Variants in EYA4 observed in about 807,000 individuals in gnomAD.
The protein encoded by EYA4 is protein phosphatase EYA4.
A neutral mutation model predicts 87.9 loss-of-function variants in EYA4; 31 were observed. That is an observed-to-expected ratio of 0.35 (90% confidence interval 0.27 to 0.48). The LOEUF (loss-of-function observed/expected upper bound fraction) is 0.48. EYA4 is among the 20% of genes least tolerant of loss of function. EYA4 has a pLI of 0.99. For synonymous variants in EYA4, 263 were observed against 270.6 expected (o/e 0.97, Z 0.28); for missense variants, 678 against 761.4 (o/e 0.89, Z 1.29).
chr6:133,372,087 G>T (rs1785309437), intron 2 of EYA4, among the ~76,000 whole-genome samples: 1 of 152,026 alleles, frequency 6.6e-6, no homozygotes. Context: ...CATAAAAATT[G>T]TGAAATTAAC....
Position 133,530,586 on chromosome 6 carries a change from T to G in EYA4, c.*1781T>G. On this transcript the variant is annotated 3_prime_UTR_variant, in exon 20 of 20. Coordinates refer to ENST00000355286, the MANE Select transcript of EYA4 (RefSeq NM_004100.5). ...AGGCCTCTGTGGCTTCAATAAAGTC[T>G]ACATTTTGCTCACAGATCACAACAT... The G allele has an allele frequency of 1.0e-6, 1 of 985,774 alleles. No individual in the cohort carries two copies. Among genetic ancestry groups the G allele is most frequent in the East Asian group, 1.1e-4 (1 of 8,822 alleles). 61.1% of individuals were successfully genotyped at this position (985,774 alleles called of 1,614,324 possible). A position where few individuals can be genotyped will look rare whatever the true frequency, so the allele number is the denominator to read the frequency against.
At chr6:133,373,366 C>T (rs571283756) in intron 2 of EYA4, among the ~76,000 whole-genome samples, 7 of 151,878 alleles carry the variant, frequency 4.6e-5, no homozygotes, top group South Asian at 2.1e-4. Flanking sequence ...GAATATGTTG[C>T]GAAAAACATG....
chr6:133,290,171 G>A (rs1291509492), intron 2 of EYA4, among the ~76,000 whole-genome samples: 1 of 152,160 alleles, frequency 6.6e-6, no homozygotes, highest in African/African-American at 2.4e-5. Flanking sequence ...GATGAGGTGA[G>A]CTCTATCTCC....
At chr6:133,477,735 C>G (rs1795863612) in intron 11 of EYA4, among the ~76,000 whole-genome samples, 1 of 151,828 alleles carries the variant, frequency 6.6e-6, no homozygotes, top group Non-Finnish European at 1.5e-5. Context: ...AAATTAATTG[C>G]CACTTCTCCA....
chr6:133,304,534 A>G (rs923556002), intron 2 of EYA4, among the ~76,000 whole-genome samples: 7 of 152,186 alleles, frequency 4.6e-5, no homozygotes, highest in African/African-American at 1.4e-4. Context: ...AGGATTCTCA[A>G]GCTGTGTTGT....
intron 3 of EYA4, among the ~76,000 whole-genome samples, chr6:133,410,633 T>TTTTTTTTTTTTTTTTTTTTTTTTTG (rs1554252061): frequency 1.3e-5 from 2 of 148,722 alleles, no homozygotes; most frequent in African/African-American, 2.4e-5. Context: ...ACTAAGGTCT[T>TTTTTTTTTTTTTTTTTTTTTTTTTG]AATTCCTTCT....
intron 2 of EYA4, among the ~76,000 whole-genome samples, chr6:133,376,642 C>T (rs1309035209): frequency 6.6e-6 from 1 of 151,698 alleles, no homozygotes; most frequent in African/African-American, 2.4e-5. Context: ...TGAGTTAATT[C>T]TCCTCAAAAG....
At chr6:133,492,817 C>T (rs1339854307) in intron 13 of EYA4, among the ~76,000 whole-genome samples, 1 of 151,962 alleles carries the variant, frequency 6.6e-6, no homozygotes, top group East Asian at 1.9e-4. Flanking sequence ...CAGCTGTGAA[C>T]AATCTGAATA....
rs755455584 is a variant in EYA4, at chr6:133,468,648, C to T, written c.887C>T (p.Ser296Leu). The change falls in exon 11 of 20, where the codon TCG becomes TTG. Residue 296 changes from serine to leucine, a missense_variant. Ser to Leu is a moderately radical substitution (Grantham distance 145, BLOSUM62 -2). Transcript: ENST00000355286. ...SASTYGAYMT[S>L]NNTADGTPSS... The stretch of plus-strand genomic sequence containing the variant: ...TCAACGTATGGAGCGTATATGACAT[C>T]GAATAACACAGCCGATGGCACACCC... 6.2e-6 allele frequency: 10 copies of T among 1,612,870 alleles called. No homozygotes were observed. The highest frequency in any genetic ancestry group is 4.5e-5 in the East Asian group (2 of 44,858).
At chr6:133,371,528 A>G (rs557356682) in intron 2 of EYA4, among the ~76,000 whole-genome samples, 119 of 152,320 alleles carry the variant, frequency 7.8e-4, no homozygotes, top group African/African-American at 2.5e-3. Context: ...AATACCAGTA[A>G]CCATATAATG....
chr6:133,344,845 T>G (rs1171848248), intron 2 of EYA4, among the ~76,000 whole-genome samples: 1 of 152,154 alleles, frequency 6.6e-6, no homozygotes, highest in Non-Finnish European at 1.5e-5. Context: ...ATGTGAATGG[T>G]ATGAAATTAT....
chr6:133,356,076 AG>A (rs1343017430), intron 2 of EYA4, among the ~76,000 whole-genome samples: 4 of 151,384 alleles, frequency 2.6e-5, no homozygotes, highest in Admixed American at 2.6e-4. Flanking sequence ...AGAGAGAGAG[AG>A]AGAAAAGAGT....
chr6:133,529,904 A>T lies in EYA4; in HGVS notation c.*1099A>T, dbSNP rs1025477186. 7.1e-6 allele frequency: 7 copies of T among 984,952 alleles called. No individual in the cohort carries two copies. The African/African-American group carries it at 1.2e-4, about 17-fold the overall frequency. The allele number at this position is 984,952 out of a possible 1,614,324, so 61.0% of individuals were successfully genotyped here. ...ATATGTGTAAGTTGCATAGAGGAGGATATTATCATGCAAATCATGAGCAAT... is the reference window on the plus strand; with the variant it reads ...ATATGTGTAAGTTGCATAGAGGAGGTTATTATCATGCAAATCATGAGCAAT... On this transcript the variant is annotated 3_prime_UTR_variant, in exon 20 of 20. Coordinates refer to ENST00000355286, the MANE Select transcript of EYA4 (RefSeq NM_004100.5).
chr6:133,479,347 TAAC>T lies in EYA4; in HGVS notation c.971-2114_971-2112del, dbSNP rs534576701. Among the ~76,000 whole-genome samples the T allele has an allele frequency of 6.0e-3, 909 of 152,310 alleles. 7 individuals are homozygous for T. The highest frequency in any genetic ancestry group is 7.8e-3 in the Non-Finnish European group (532 of 68,010). On this transcript the variant is annotated intron_variant, in intron 11 of 19. Transcript: ENST00000355286. ...CTGCTATCTACTCTCACCGAGGTGA[TAAC>T]ATAGACCCATGAAATGAACTATGCT...
intron 1 of EYA4, among the ~76,000 whole-genome samples, chr6:133,251,996 T>C (rs1333337058): frequency 2.0e-5 from 3 of 152,156 alleles, no homozygotes; most frequent in African/African-American, 7.2e-5. Context: ...TTCACACAGA[T>C]TGACCATCTC....
At chr6:133,485,621 C>CCAAA (rs1320216055) in intron 13 of EYA4, among the ~76,000 whole-genome samples, 1 of 152,144 alleles carries the variant, frequency 6.6e-6, no homozygotes, top group Non-Finnish European at 1.5e-5. Flanking sequence ...AGTAATATTT[C>CCAAA]CAAACAGGAG....
At chr6:133,400,713 C>T (rs1052351969) in intron 3 of EYA4, among the ~76,000 whole-genome samples, 2 of 151,710 alleles carry the variant, frequency 1.3e-5, no homozygotes, top group African/African-American at 2.4e-5. Flanking sequence ...TATTTTTTTA[C>T]AGTGTTATTT....
intron 2 of EYA4, among the ~76,000 whole-genome samples, chr6:133,276,382 A>G (rs564685257): frequency 3.4e-4 from 52 of 152,306 alleles, no homozygotes; most frequent in African/African-American, 1.1e-3. Context: ...GTTAATTACT[A>G]TAGGGTGTGT....
chr6:133,461,992 T>G (rs1794432077), intron 7 of EYA4: 1 of 359,510 alleles, frequency 2.8e-6, no homozygotes, highest in Non-Finnish European at 5.3e-6. Context: ...TAGTGTGTGC[T>G]CCATTTTCCT....
Sources: allele counts gnomAD v4.1 joint callset (sites outside exome capture counted in the v4.1 genomes callset), GRCh38; gene constraint gnomAD v4.1.1; transcripts MANE v1.5; gene names NCBI Gene and HGNC (gene_info 2026-07-23, HGNC 2026-07-21).